SLC25A24: variants seen among roughly 807,000 people sequenced by gnomAD.
SLC25A24 encodes mitochondrial adenyl nucleotide antiporter SLC25A24.
Under a neutral mutation model 60.7 loss-of-function variants are expected in SLC25A24, and 49 were observed. The ratio of observed to expected loss-of-function variants is 0.81; its 90% CI spans 0.64 to 1.02. The LOEUF (loss-of-function observed/expected upper bound fraction) is 1.02. SLC25A24 is among the 50% of genes least tolerant of loss of function. The pLI, the probability that SLC25A24 is intolerant of heterozygous loss-of-function variation, is 0.00. For missense variants in SLC25A24, 564 were observed against 586.3 expected (o/e 0.96, Z 0.39); for synonymous variants, 202 against 200.6 (o/e 1.01, Z -0.06).
intron 4 of SLC25A24, among the ~76,000 whole-genome samples, chr1:108,158,071 T>G (rs1215628798): frequency 6.6e-6 from 1 of 152,202 alleles, no homozygotes; most frequent in African/African-American, 2.4e-5. Flanking sequence ...CCACATCATA[T>G]TTATACCATG....
chr1:108,174,225 G>C (rs1042665588), intron 3 of SLC25A24, among the ~76,000 whole-genome samples: 2 of 152,138 alleles, frequency 1.3e-5, no homozygotes, highest in Non-Finnish European at 2.9e-5. Context: ...GGTTTCCTGG[G>C]CCAGGCCCAG....
rs1373977769 is a variant in SLC25A24, at chr1:108,191,275, AC to A, written c.184-5322del. Among the ~76,000 whole-genome samples, 2 of 137,510 alleles carry A rather than the reference AC, an allele frequency of 1.5e-5. 1 individual carries two copies. Among genetic ancestry groups the A allele is most frequent in the East Asian group, 5.4e-4 (2 of 3,714 alleles). 90.2% of individuals were successfully genotyped at this position (137,510 alleles called of 152,430 possible). A position where few individuals can be genotyped will look rare whatever the true frequency, so the allele number is the denominator to read the frequency against. ...GCCTCAGCCTCCTGGGACTACACAC[AC>A]CCACCACCACACCCGGTTAATTTTT... On this transcript the variant is annotated intron_variant, in intron 1 of 9. Transcript: ENST00000565488.
chr1:108,161,741 G>A (rs1385123291), intron 3 of SLC25A24, among the ~76,000 whole-genome samples: 9 of 151,890 alleles, frequency 5.9e-5, no homozygotes, highest in Non-Finnish European at 1.0e-4. Context: ...CTCGAAGTTA[G>A]GAAAATTAAC....
At chr1:108,164,844 G>A (rs1680198338) in intron 3 of SLC25A24, among the ~76,000 whole-genome samples, 1 of 92,108 alleles carries the variant, frequency 1.1e-5, no homozygotes, top group East Asian at 2.8e-4. Context: ...GCTTTTGAAT[G>A]TGTTTGCTCT....
At chr1:108,177,580 T>C (rs973920385) in intron 3 of SLC25A24, among the ~76,000 whole-genome samples, 7 of 152,144 alleles carry the variant, frequency 4.6e-5, no homozygotes, top group African/African-American at 1.4e-4. Context: ...AGATATTCCA[T>C]GGAAACAGAA....
chr1:108,153,044 G>T (rs1679798644), intron 6 of SLC25A24, among the ~76,000 whole-genome samples: 1 of 152,108 alleles, frequency 6.6e-6, no homozygotes, highest in Admixed American at 6.5e-5. Flanking sequence ...GCACTCCTGG[G>T]TCATGCAAGC....
chr1:108,165,241 G>C (rs905961349), intron 3 of SLC25A24, among the ~76,000 whole-genome samples: 1 of 152,170 alleles, frequency 6.6e-6, no homozygotes, highest in Non-Finnish European at 1.5e-5. Context: ...AATAGCCGTG[G>C]TGTGGTGCTG....
At chr1:108,161,161 A>G in intron 4 of SLC25A24, 21 bp downstream of exon 4, 1 of 1,262,030 alleles carries the variant, frequency 7.9e-7, no homozygotes. Context: ...AAATAAGTAT[A>G]AATACATAAA....
chr1:108,192,506 T>G (rs1266003596), intron 1 of SLC25A24: 1 of 1,494,368 alleles, frequency 6.7e-7, no homozygotes, highest in South Asian at 1.3e-5. Flanking sequence ...CTTCGCTTCC[T>G]CTAGAGATTG....
chr1:108,174,214 T>C (rs1647585433), intron 3 of SLC25A24, among the ~76,000 whole-genome samples: 1 of 151,746 alleles, frequency 6.6e-6, no homozygotes, highest in Non-Finnish European at 1.5e-5. Context: ...GAGGAAAAAA[T>C]GGTTTCCTGG....
chr1:108,155,220 A>G (rs1679864117), intron 5 of SLC25A24, 85 bp from the exon 6 acceptor site: 22 of 1,167,584 alleles, frequency 1.9e-5, no homozygotes, highest in Non-Finnish European at 2.4e-5. Flanking sequence ...CTTTTTCAAT[A>G]CCCTTTCTAA....
Position 108,200,282 on chromosome 1 carries a change from C to CGCGCAGG in SLC25A24, c.-151_-145dup, listed in dbSNP as rs150513527. The CGCGCAGG allele has an allele frequency of 5.9e-5, 38 of 640,578 alleles. No individual in the cohort carries two copies. Among genetic ancestry groups the CGCGCAGG allele is most frequent in the South Asian group, 8.8e-5 (2 of 22,750 alleles). 39.7% of individuals were successfully genotyped at this position (640,578 alleles called of 1,614,324 possible). ...GGCGCCGTCGGGGTTGCGGCTGCGG[C>CGCGCAGG]GCGCAGGGCGCAGGGCGCAGGAGCG... On this transcript the variant is annotated 5_prime_UTR_variant, in exon 1 of 10. Transcript: ENST00000565488.
intron 3 of SLC25A24, among the ~76,000 whole-genome samples, chr1:108,171,609 C>T (rs960640644): frequency 6.6e-6 from 1 of 152,140 alleles, no homozygotes; most frequent in South Asian, 2.1e-4. Flanking sequence ...TTAACATATT[C>T]TTCAATATTT....
intron 1 of SLC25A24, chr1:108,198,569 T>A (rs926933567): frequency 6.6e-6 from 1 of 152,248 alleles, no homozygotes; most frequent in African/African-American, 2.4e-5. Context: ...TAACATATAC[T>A]ATGACACAAA....
intron 8 of SLC25A24, among the ~76,000 whole-genome samples, chr1:108,139,452 G>A (rs1232104084): frequency 6.6e-6 from 1 of 152,204 alleles, no homozygotes; most frequent in East Asian, 1.9e-4. Context: ...GAACTGCGCA[G>A]CAAACGCTGC....
chr1:108,177,493 T>A, intron 3 of SLC25A24, among the ~76,000 whole-genome samples: 1 of 151,962 alleles, frequency 6.6e-6, no homozygotes, highest in African/African-American at 2.4e-5. Flanking sequence ...AAAAACTAGA[T>A]CCAACTATAT....
rs58815373 is a variant in SLC25A24, at chr1:108,155,950, AACACACACAC to A, written c.670-825_670-816del. Among the ~76,000 whole-genome samples, 389 of 149,240 alleles carry A rather than the reference AACACACACAC, an allele frequency of 2.6e-3. 5 individuals are homozygous for A. Among genetic ancestry groups the A allele is most frequent in the Admixed American group, 0.021 (321 of 14,960 alleles). ...CACATAAAAGGGGTGACTACCACTA[AACACACACAC>A]ACACACACACACACACACACACACT... is the stretch of plus-strand genomic sequence containing the variant. On this transcript the variant is annotated intron_variant, in intron 5 of 9. Transcript: ENST00000565488.
intron 6 of SLC25A24, among the ~76,000 whole-genome samples, chr1:108,153,021 T>A (rs1679798119): frequency 6.6e-6 from 1 of 152,052 alleles, no homozygotes; most frequent in African/African-American, 2.4e-5. Context: ...ATGGTGGCCA[T>A]ATTGAGTGGG....
chr1:108,142,545 C>T (rs887259242), intron 8 of SLC25A24, among the ~76,000 whole-genome samples: 13 of 152,116 alleles, frequency 8.5e-5, no homozygotes, highest in African/African-American at 3.1e-4. Flanking sequence ...TATGATTCTA[C>T]TTATAAGATA....
Sources: gnomAD v4.1 joint callset for allele counts (sites outside exome capture counted in the v4.1 genomes callset) on GRCh38, gnomAD v4.1.1 for gene constraint, MANE v1.5 for transcripts, NCBI Gene and HGNC (gene_info 2026-07-23, HGNC 2026-07-21) for gene names.